The following MAFF variants were observed in gnomAD, a reference collection of about 807,000 sequenced individuals.
MAFF encodes the protein transcription factor MafF.
Under a neutral mutation model 2.7 loss-of-function variants are expected in MAFF, and 4 were observed. The ratio of observed to expected loss-of-function variants is 1.48; its 90% CI spans 0.73 to 3.39. The LOEUF (loss-of-function observed/expected upper bound fraction) is 3.39, where lower values mean the gene tolerates loss of function less well. Ranked by LOEUF, MAFF falls within the 30% of genes most tolerant of loss-of-function variation. The pLI is 0.01. For synonymous variants in MAFF, 113 were observed against 119.4 expected, an observed-to-expected ratio of 0.95 and a Z score of 0.35; for missense variants, 190 against 246.6, an observed-to-expected ratio of 0.77 and a Z score of 1.54.
At chr22:38,212,156 C>T (rs1049208997) in intron 1 of MAFF, among the ~76,000 whole-genome samples, 3 of 152,154 alleles carry the variant, frequency 2.0e-5, no homozygotes, top group African/African-American at 4.8e-5. Context: ...TGCACCACCA[C>T]GCCTGGGCTA....
At chr22:38,204,545 G>A in intron 1 of MAFF, among the ~76,000 whole-genome samples, 1 of 152,100 alleles carries the variant, frequency 6.6e-6, no homozygotes, top group East Asian at 1.9e-4. Context: ...CCCTCTAAGA[G>A]CTCCACAACA....
In MAFF at chr22:38,202,617, G is replaced by C. The variant is rs921427747; in HGVS notation, c.-32+405G>C. The C allele has an allele frequency of 4.6e-5, 7 of 153,252 alleles. No individual in the cohort carries two copies. Among genetic ancestry groups the C allele is most frequent in the East Asian group, 1.9e-4 (1 of 5,176 alleles). The allele number at this position is 153,252 out of a possible 1,614,324, so 9.5% of individuals were successfully genotyped here. A position where few individuals can be genotyped will look rare whatever the true frequency, so the allele number is the denominator to read the frequency against. ...GGTTTGTTTACGTCCGAGGGCGGGCGTGTGTTCCCTGGCGGGCGGCCTGGG... is the reference window on the plus strand; with the variant it reads ...GGTTTGTTTACGTCCGAGGGCGGGCCTGTGTTCCCTGGCGGGCGGCCTGGG... On this transcript the variant is annotated intron_variant, in intron 1 of 2. Transcript: ENST00000338483. The surrounding 1 kb of genome is among the most constrained non-coding windows in gnomAD (Gnocchi z 7.4).
At position 38,202,155 on chromosome 22, in the gene MAFF, G is replaced by C. The variant is rs1434205114; in HGVS notation, c.-89G>C. 6.6e-6 allele frequency: 1 copy of C among 152,362 alleles called. No homozygotes were observed. The highest frequency in any genetic ancestry group is 1.5e-5 in the Non-Finnish European group (1 of 68,198). The allele number at this position is 152,362 out of a possible 1,614,324, so 9.4% of individuals were successfully genotyped here. A position where few individuals can be genotyped will look rare whatever the true frequency, so the allele number is the denominator to read the frequency against. On this transcript the variant is annotated 5_prime_UTR_variant, in exon 1 of 3. Coordinates refer to ENST00000338483, the MANE Select transcript of MAFF (RefSeq NM_012323.4). The surrounding 1 kb of genome is among the most constrained non-coding windows in gnomAD (Gnocchi z 7.4). ...CGGAGCGCGGATCGGGACAGCGGCC[G>C]GGACAGCGGCGAGACGCGCGTGTGT...
Position 38,214,612 on chromosome 22 carries a change from G to A in MAFF, c.229G>A (p.Glu77Lys). Residue 77 changes from glutamate (E) to lysine (K), a missense_variant, in exon 3 of 3, where the codon GAG (glutamate) becomes AAG (lysine). Around this residue, in one of 2 missense-constraint regions of MAFF, gnomAD observed 87 missense variants for 143.6 expected, o/e 0.61. Transcript: ENST00000338483. This position sits in a 1 kb window ranked among gnomAD's most constrained non-coding sequence, Gnocchi z 6.3. ...SCRVKRVCQKEELQKQKSELE... is the reference protein window; with the variant it reads ...SCRVKRVCQKKELQKQKSELE... ...CCGCGTGAAGCGCGTGTGCCAGAAG[G>A]AGGAGCTGCAGAAGCAGAAGTCGGA... 6.3e-7 allele frequency: 1 copy of A among 1,578,512 alleles called. No homozygotes were observed. Among genetic ancestry groups the A allele is most frequent in the Non-Finnish European group, 8.6e-7 (1 of 1,162,992 alleles).
Position 38,202,419 on chromosome 22 carries a change from G to A in MAFF, c.-32+207G>A, listed in dbSNP as rs2091020157. On this transcript the variant is annotated intron_variant, in intron 1 of 2. Transcript: ENST00000338483. This position sits in a 1 kb window ranked among gnomAD's most constrained non-coding sequence, Gnocchi z 7.4. ...GCCGAGGCCAGCTCGGGGGAGTGGG[G>A]GTGGAGACGGGGCCCCTTCCCGGGG... is the stretch of plus-strand genomic sequence containing the variant. 1 of 152,012 alleles carries A rather than the reference G, an allele frequency of 6.6e-6. No individual in the cohort carries two copies. The highest frequency in any genetic ancestry group is 2.4e-5 in the African/African-American group (1 of 41,406). 9.4% of individuals were successfully genotyped at this position (152,012 alleles called of 1,614,324 possible). A position where few individuals can be genotyped will look rare whatever the true frequency, so the allele number is the denominator to read the frequency against.
intron 1 of MAFF, among the ~76,000 whole-genome samples, chr22:38,206,216 G>C (rs917729251): frequency 2.0e-5 from 3 of 152,206 alleles, no homozygotes; most frequent in Admixed American, 6.5e-5. Context: ...TCTGTGCTGA[G>C]AAAGACTCAG....
intron 1 of MAFF, among the ~76,000 whole-genome samples, chr22:38,207,826 G>T (rs1402427364): frequency 6.6e-6 from 1 of 152,092 alleles, no homozygotes; most frequent in Non-Finnish European, 1.5e-5. Flanking sequence ...GAACTCTCAG[G>T]CCTGAATTCT....
At chr22:38,213,462 A>T in intron 1 of MAFF, 1 of 349,510 alleles carries the variant, frequency 2.9e-6, no homozygotes, top group Non-Finnish European at 5.7e-6. Context: ...ACCAAGCATG[A>T]GAAATGCAGA....
At chr22:38,207,542 C>T (rs1379405095) in intron 1 of MAFF, among the ~76,000 whole-genome samples, 1 of 144,414 alleles carries the variant, frequency 6.9e-6, no homozygotes, top group African/African-American at 2.6e-5. Flanking sequence ...CGGGTTCACG[C>T]CATTCTCCTG....
chr22:38,209,105 G>A (rs370556011), intron 1 of MAFF, among the ~76,000 whole-genome samples: 11 of 151,564 alleles, frequency 7.3e-5, no homozygotes, highest in Non-Finnish European at 1.3e-4. Flanking sequence ...TCACTCTGTC[G>A]CCCAGGCTGG....
chr22:38,202,912 C>T lies in MAFF; in HGVS notation c.-32+700C>T, dbSNP rs1001030434. 1.3e-5 allele frequency: 2 copies of T among 151,848 alleles called. No homozygotes were observed. The highest frequency in any genetic ancestry group is 6.5e-5 in the Admixed American group (1 of 15,276). The allele number at this position is 151,848 out of a possible 1,614,324, so 9.4% of individuals were successfully genotyped here. Reference sequence around the variant, plus strand: ...TACCCGGGGCTGTCCGTCCCCGGCTCTCCCCGGAGTTTCCCAGGGCCTCCG... The same window carrying T: ...TACCCGGGGCTGTCCGTCCCCGGCTTTCCCCGGAGTTTCCCAGGGCCTCCG... On this transcript the variant is annotated intron_variant, in intron 1 of 2. Coordinates refer to ENST00000338483, the MANE Select transcript of MAFF (RefSeq NM_012323.4). This position sits in a 1 kb window ranked among gnomAD's most constrained non-coding sequence, Gnocchi z 7.4.
intron 1 of MAFF, among the ~76,000 whole-genome samples, chr22:38,212,520 C>G (rs2091108665): frequency 6.6e-6 from 1 of 152,172 alleles, no homozygotes; most frequent in African/African-American, 2.4e-5. Context: ...TTTTATTCAC[C>G]TTTTTCTCCC....
chr22:38,216,230 C>CCATGCATGGTGGCT lies in MAFF; in HGVS notation c.*1358_*1371dup, dbSNP rs2091148848. The CCATGCATGGTGGCT allele has an allele frequency of 6.5e-6, 1 of 153,844 alleles. No homozygotes were observed. Among genetic ancestry groups the CCATGCATGGTGGCT allele is most frequent in the Non-Finnish European group, 1.5e-5 (1 of 68,086 alleles). The allele number at this position is 153,844 out of a possible 1,614,324, so 9.5% of individuals were successfully genotyped here. ...TCTCTACAAAAAATACAAAAATTAG[C>CCATGCATGGTGGCT]CATGCATGGTGGCTCATGCCTGTAG... On this transcript the variant is annotated 3_prime_UTR_variant, in exon 3 of 3. Transcript: ENST00000338483.
rs902671564 is a variant in MAFF, at chr22:38,207,113, C to CTAT, written c.-32+4921_-32+4923dup. Among the ~76,000 whole-genome samples the CTAT allele has an allele frequency of 6.2e-4, 94 of 151,794 alleles. 1 individual carries two copies. Among genetic ancestry groups the CTAT allele is most frequent in the South Asian group, 2.3e-3 (11 of 4,826 alleles). Reference sequence around the variant, plus strand: ...CTCCATGTGGCCTCAGGCCTGAATTCTATTATTATTATTATTATTATTTTT... The same window carrying CTAT: ...CTCCATGTGGCCTCAGGCCTGAATTCTATTATTATTATTATTATTATTATTTTT... On this transcript the variant is annotated intron_variant, in intron 1 of 2. Coordinates refer to ENST00000338483, the MANE Select transcript of MAFF (RefSeq NM_012323.4).
At chr22:38,209,615 C>T (rs2091081813) in intron 1 of MAFF, among the ~76,000 whole-genome samples, 1 of 151,634 alleles carries the variant, frequency 6.6e-6, no homozygotes, top group Non-Finnish European at 1.5e-5. Flanking sequence ...GAGTTCGAGA[C>T]CAGCCTGACC....
At chr22:38,206,293 A>C (rs929272273) in intron 1 of MAFF, among the ~76,000 whole-genome samples, 5 of 148,112 alleles carry the variant, frequency 3.4e-5, no homozygotes, top group Non-Finnish European at 7.4e-5. Flanking sequence ...TTGCTTGTGG[A>C]TAGTGGGATG....
At chr22:38,206,579 T>C (rs1021587696) in intron 1 of MAFF, among the ~76,000 whole-genome samples, 2 of 152,084 alleles carry the variant, frequency 1.3e-5, no homozygotes, top group Admixed American at 6.6e-5. Flanking sequence ...CTTGAACTCC[T>C]GGCCTCAGAT....
chr22:38,203,270 G>C (rs1032474429), intron 1 of MAFF: 1 of 152,646 alleles, frequency 6.6e-6, no homozygotes, highest in Non-Finnish European at 1.5e-5. Context: ...GCTAGTCCGG[G>C]TTCTGGAGGC....
Position 38,215,664 on chromosome 22 carries a change from C to T in MAFF, c.*786C>T, listed in dbSNP as rs1200342239. The T allele has an allele frequency of 6.0e-6, 1 of 167,284 alleles. No homozygotes were observed. Among genetic ancestry groups the T allele is most frequent in the Non-Finnish European group, 1.5e-5 (1 of 68,366 alleles). The allele number at this position is 167,284 out of a possible 1,614,324, so 10.4% of individuals were successfully genotyped here. A position where few individuals can be genotyped will look rare whatever the true frequency, so the allele number is the denominator to read the frequency against. On this transcript the variant is annotated 3_prime_UTR_variant, in exon 3 of 3. Coordinates refer to ENST00000338483, the MANE Select transcript of MAFF (RefSeq NM_012323.4). ...CTGGCCTGGCTCAGCCCTAGGCTGT[C>T]CCTGCAGCCAGGGTGTCCGGGGGCT...
Sources: allele counts gnomAD v4.1 joint callset (sites outside exome capture counted in the v4.1 genomes callset), GRCh38; gene constraint gnomAD v4.1.1; regional missense constraint gnomAD v4.1.1; non-coding constraint Gnocchi (gnomAD v3.1); transcripts MANE v1.5; gene names NCBI Gene and HGNC (gene_info 2026-07-23, HGNC 2026-07-21).